The following CDH1 variants were observed in gnomAD, a reference collection of about 807,000 sequenced individuals.
CDH1 encodes the protein cadherin 1, also known as cadherin-1.
In CDH1, 35 loss-of-function variants were observed where a neutral mutation model predicts 84.5. The observed-to-expected ratio is 0.41, with a 90% CI of 0.32 to 0.55. The LOEUF (loss-of-function observed/expected upper bound fraction) is 0.55. CDH1 is among the 20% of genes least tolerant of loss of function. CDH1 has a pLI of 0.19. For missense variants in CDH1, 994 were observed against 1,126.6 expected (o/e 0.88, Z 1.68); for synonymous variants, 417 against 439.0 (o/e 0.95, Z 0.63).
chr16:68,813,600 C>T (rs769950125), intron 9 of CDH1, 105 bp downstream of exon 9: 2 of 1,129,440 alleles, frequency 1.8e-6, no homozygotes, highest in South Asian at 2.5e-5. Context: ...GGCAGGGGGA[C>T]AGGGTGACTT....
At chr16:68,753,530 G>C (rs1197322545) in intron 2 of CDH1, among the ~76,000 whole-genome samples, 1 of 151,564 alleles carries the variant, frequency 6.6e-6, no homozygotes, top group African/African-American at 2.4e-5. Flanking sequence ...ATAGACACGG[G>C]GTTTCACCGT....
chr16:68,787,528 G>C (rs1376026321), intron 2 of CDH1, among the ~76,000 whole-genome samples: 1 of 150,770 alleles, frequency 6.6e-6, no homozygotes, highest in Non-Finnish European at 1.5e-5. Flanking sequence ...TTTTTAAATA[G>C]AGATGGGATC....
chr16:68,798,276 CA>C (rs1287587054), intron 2 of CDH1, among the ~76,000 whole-genome samples: 3 of 152,218 alleles, frequency 2.0e-5, no homozygotes, highest in South Asian at 4.1e-4. Context: ...GAAATATACC[CA>C]GTCCCCGTAT....
chr16:68,827,165 G>A (rs1485656628), intron 13 of CDH1, among the ~76,000 whole-genome samples: 2 of 152,056 alleles, frequency 1.3e-5, no homozygotes, highest in Non-Finnish European at 2.9e-5. Flanking sequence ...TACCTACTTG[G>A]GAGGCTGAGG....
intron 2 of CDH1, chr16:68,742,464 G>C (rs1189695201): frequency 6.3e-6 from 1 of 159,344 alleles, no homozygotes; most frequent in African/African-American, 2.4e-5. Flanking sequence ...ATTTTTAGTA[G>C]AGACAGGGTT....
Position 68,823,450 on chromosome 16 carries a change from A to G in CDH1, c.1988A>G (p.Tyr663Cys), listed in dbSNP as rs372182377. 13 of 1,613,972 alleles carry G rather than the reference A, an allele frequency of 8.1e-6. No individual in the cohort carries two copies. Among genetic ancestry groups the G allele is most frequent in the African/African-American group, 2.7e-5 (2 of 74,920 alleles). Residue 663 changes from tyrosine to cysteine, a missense_variant, in exon 13 of 16, where the codon TAC becomes TGC. By Grantham distance (194) the Tyr-to-Cys change is radical. Transcript: ENST00000261769. ...AAGATGGCCTTAGAGGTGGGTGACT[A>G]CAAAATCAATCTCAAGCTCATGGAT... ...KPKMALEVGD[Y>C]KINLKLMDNQ... is the part of the protein sequence containing the mutation.
At chr16:68,760,541 C>T (rs892049748) in intron 2 of CDH1, among the ~76,000 whole-genome samples, 1 of 152,110 alleles carries the variant, frequency 6.6e-6, no homozygotes, top group African/African-American at 2.4e-5. Context: ...TATAACAGGC[C>T]TTGGAGAATG....
Position 68,834,267 on chromosome 16 carries a change from C to T in CDH1, c.*768C>T. ...CTGCACCTGCCCAGCTCCCCAACTC[C>T]CTGCCATTTTTTAAGAGACAGTTTC... On this transcript the variant is annotated 3_prime_UTR_variant, in exon 16 of 16. Transcript: ENST00000261769. The T allele has an allele frequency of 2.0e-6, 1 of 511,540 alleles. No individual in the cohort carries two copies. Among genetic ancestry groups the T allele is most frequent in the Non-Finnish European group, 3.8e-6 (1 of 260,738 alleles). The allele number at this position is 511,540 out of a possible 1,614,324, so 31.7% of individuals were successfully genotyped here. A position where few individuals can be genotyped will look rare whatever the true frequency, so the allele number is the denominator to read the frequency against.
In CDH1 at chr16:68,803,616, G is replaced by A. The variant is rs1239540858; in HGVS notation, c.387+1723G>A. ...TCATCATGTTGGCCAGGCTGGTCTCGAACTCCTGACCTCAAGTGATCTGCC... is the reference window on the plus strand; with the variant it reads ...TCATCATGTTGGCCAGGCTGGTCTCAAACTCCTGACCTCAAGTGATCTGCC... On this transcript the variant is annotated intron_variant, in intron 3 of 15. Coordinates refer to ENST00000261769, the MANE Select transcript of CDH1 (RefSeq NM_004360.5). Among the ~76,000 whole-genome samples the A allele has an allele frequency of 4.6e-5, 7 of 151,986 alleles. No homozygotes were observed. In the East Asian group the frequency reaches 5.8e-4, roughly 13 times the overall value.
rs1286889086 is a variant in CDH1, at chr16:68,803,641, C to G, written c.387+1748C>G. Among the ~76,000 whole-genome samples, 5 of 152,116 alleles carry G rather than the reference C, an allele frequency of 3.3e-5. No homozygotes were observed. The East Asian group carries it at 9.6e-4, about 29-fold the overall frequency. ...GAACTCCTGACCTCAAGTGATCTGC[C>G]CACCTCAGCCTCCCAAAGTGCTGGG... On this transcript the variant is annotated intron_variant, in intron 3 of 15. Transcript: ENST00000261769.
chr16:68,737,316 C>T lies in CDH1; in HGVS notation c.-100C>T, dbSNP rs1336812842. ...CAGTGGCGTCGGAACTGCAAAGCAC[C>T]TGTGAGCTTGCGGAAGTCAGTTCAG... is the stretch of plus-strand genomic sequence containing the variant. On this transcript the variant is annotated 5_prime_UTR_variant, in exon 1 of 16. Transcript: ENST00000261769. 12 of 1,012,594 alleles carry T rather than the reference C, an allele frequency of 1.2e-5. No individual in the cohort carries two copies. Among genetic ancestry groups the T allele is most frequent in the Non-Finnish European group, 1.7e-5 (12 of 693,954 alleles). The allele number at this position is 1,012,594 out of a possible 1,614,324, so 62.7% of individuals were successfully genotyped here.
In CDH1 at chr16:68,775,217, G is replaced by A. The variant is rs555122257; in HGVS notation, c.164-26453G>A. On this transcript the variant is annotated intron_variant, in intron 2 of 15. Transcript: ENST00000261769. ...CTGTGTGTGCCTCTTAAGTGTGTGC[G>A]TCCGAGCATGCACTTTATGAGCCAT... is the stretch of plus-strand genomic sequence containing the variant. 5.9e-5 allele frequency among the ~76,000 whole-genome samples: 9 copies of A among 151,898 alleles called. No individual in the cohort carries two copies. The South Asian group carries it at 1.7e-3, about 28-fold the overall frequency.
chr16:68,777,734 T>C (rs546163056), intron 2 of CDH1, among the ~76,000 whole-genome samples: 1 of 152,006 alleles, frequency 6.6e-6, no homozygotes, highest in African/African-American at 2.4e-5. Context: ...AATTTTTTAT[T>C]TTTATCATTA....
intron 2 of CDH1, among the ~76,000 whole-genome samples, chr16:68,791,462 G>A (rs576509489): frequency 1.1e-4 from 17 of 151,728 alleles, no homozygotes; most frequent in South Asian, 2.1e-4. Flanking sequence ...TCAATCTGTC[G>A]CCCAGGCTGG....
intron 8 of CDH1, among the ~76,000 whole-genome samples, chr16:68,812,966 G>A (rs1448785714): frequency 6.6e-6 from 1 of 152,196 alleles, no homozygotes; most frequent in Non-Finnish European, 1.5e-5. Flanking sequence ...CTTGAACCCA[G>A]GAGGCGGAGG....
In CDH1 at chr16:68,821,874, G is replaced by A. The variant is rs113681937; in HGVS notation, c.1712-127G>A. The A allele has an allele frequency of 4.7e-4, 357 of 754,040 alleles. 1 individual carries two copies. The highest frequency in any genetic ancestry group is 1.3e-3 in the Middle Eastern group (4 of 2,986). The allele number at this position is 754,040 out of a possible 1,614,324, so 46.7% of individuals were successfully genotyped here. Reference sequence around the variant, plus strand: ...GGATTGGTGGGACAGGAGGTTCTGCGGGTGGAGTGGGGCCTGGTGAGGGAC... The same window carrying A: ...GGATTGGTGGGACAGGAGGTTCTGCAGGTGGAGTGGGGCCTGGTGAGGGAC... On this transcript the variant is annotated intron_variant, in intron 11 of 15. Coordinates refer to ENST00000261769, the MANE Select transcript of CDH1 (RefSeq NM_004360.5).
chr16:68,747,743 C>G (rs1962779599), intron 2 of CDH1, among the ~76,000 whole-genome samples: 1 of 117,572 alleles, frequency 8.5e-6, no homozygotes, highest in South Asian at 2.9e-4. Flanking sequence ...AGCAACGTAT[C>G]TGTATGTTCT....
chr16:68,785,034 AATCTAAAAAG>A (rs955477438), intron 2 of CDH1, among the ~76,000 whole-genome samples: 3 of 152,122 alleles, frequency 2.0e-5, no homozygotes, highest in African/African-American at 7.2e-5. Context: ...AAAAAAAAAT[AATCTAAAAAG>A]TATACAATGA....
At chr16:68,743,893 T>A (rs933305948) in intron 2 of CDH1, among the ~76,000 whole-genome samples, 1 of 152,224 alleles carries the variant, frequency 6.6e-6, no homozygotes, top group East Asian at 1.9e-4. Flanking sequence ...TACTTATTGA[T>A]CTATTATGAG....
Sources: allele counts gnomAD v4.1 joint callset (sites outside exome capture counted in the v4.1 genomes callset), GRCh38; gene constraint gnomAD v4.1.1; transcripts MANE v1.5; gene names NCBI Gene and HGNC (gene_info 2026-07-23, HGNC 2026-07-21).